ZNF710: variants seen among roughly 807,000 people sequenced by gnomAD.
ZNF710 encodes zinc finger protein 710.
A neutral mutation model predicts 50.6 loss-of-function variants in ZNF710; 13 were observed. The observed-to-expected ratio is 0.26, with a 90% CI of 0.17 to 0.41. ZNF710 has a LOEUF of 0.41. Among genes scored for constraint, ZNF710 ranks in the 10% least tolerant of loss-of-function variants. ZNF710 has a pLI of 1.00. For synonymous variants in ZNF710, 383 were observed against 397.0 expected, an observed-to-expected ratio of 0.96 and a Z score of 0.42; for missense variants, 721 against 936.6, an observed-to-expected ratio of 0.77 and a Z score of 3.01.
chr15:90,007,180 C>T (rs1898160824), intron 1 of ZNF710, among the ~76,000 whole-genome samples: 1 of 151,966 alleles, frequency 6.6e-6, no homozygotes, highest in African/African-American at 2.4e-5. Context: ...GAGGATTTGG[C>T]CTGAAGCAAG....
At chr15:90,031,023 AAAAAG>A (rs1480432091) in intron 1 of ZNF710, among the ~76,000 whole-genome samples, 4 of 150,114 alleles carry the variant, frequency 2.7e-5, no homozygotes, top group Non-Finnish European at 4.4e-5. Flanking sequence ...CGTCTCAAAA[AAAAAG>A]AAAAAAAAAA....
rs1034956357 is a variant in ZNF710 at position 90,063,711 on chromosome 15, T to C, written c.-28-3399T>C. 3.3e-5 allele frequency among the ~76,000 whole-genome samples: 5 copies of C among 152,154 alleles called. No individual in the cohort carries two copies. The East Asian group carries it at 9.6e-4, about 29-fold the overall frequency. On this transcript the variant is annotated intron_variant, in intron 1 of 4. Transcript: ENST00000268154. ...GGACGGTCAGCTCCATGGTTACCCT[T>C]GCTGTAGGGAACCACACTTCAGCTC...
At chr15:90,044,635 T>C (rs1201903373) in intron 1 of ZNF710, among the ~76,000 whole-genome samples, 1 of 152,224 alleles carries the variant, frequency 6.6e-6, no homozygotes. Context: ...TTTTCCTAAA[T>C]TATCCAAACA....
Position 90,034,839 on chromosome 15 carries a change from G to A in ZNF710, c.-28-32271G>A, listed in dbSNP as rs113145222. Among the ~76,000 whole-genome samples the A allele has an allele frequency of 5.7e-3, 862 of 152,204 alleles. 4 individuals carry two copies. The highest frequency in any genetic ancestry group is 0.02 in the African/African-American group (810 of 41,538). ...TGGGGACTTAGACCTCTTCCACATC[G>A]CCCCAAGGTCGGGCTGAAGAGATTT... On this transcript the variant is annotated intron_variant, in intron 1 of 4. Coordinates refer to ENST00000268154, the MANE Select transcript of ZNF710 (RefSeq NM_198526.4). The surrounding 1 kb of genome is among the most constrained non-coding windows in gnomAD (Gnocchi z 4.0).
chr15:90,000,861 G>C (rs535567554), upstream of ZNF710, among the ~76,000 whole-genome samples: 23 of 152,254 alleles, frequency 1.5e-4, no homozygotes, highest in South Asian at 3.3e-3. Flanking sequence ...CTTCCCTTGG[G>C]GGGGGCGGGG....
intron 1 of ZNF710, among the ~76,000 whole-genome samples, chr15:90,051,822 A>G (rs1228423141): frequency 6.6e-6 from 1 of 151,914 alleles, no homozygotes; most frequent in Non-Finnish European, 1.5e-5. Context: ...AACAGGCACA[A>G]CTCCAGGCTG....
At position 90,005,350 on chromosome 15, in the gene ZNF710, G is replaced by A. The variant is rs1898113338; in HGVS notation, c.-29+3736G>A. ...TGCTGTGAGTCATTGCTTCAAACAA[G>A]CTCCAGACAGGTGAGGCAGGAGGGG... is the stretch of plus-strand genomic sequence containing the variant. On this transcript the variant is annotated intron_variant, in intron 1 of 4. Coordinates refer to ENST00000268154, the MANE Select transcript of ZNF710 (RefSeq NM_198526.4). 1.3e-5 allele frequency among the ~76,000 whole-genome samples: 2 copies of A among 152,348 alleles called. 1 individual carries two copies. The highest frequency in any genetic ancestry group is 4.1e-4 in the South Asian group (2 of 4,830).
At chr15:90,010,981 A>AGT (rs1234177371) in intron 1 of ZNF710, among the ~76,000 whole-genome samples, 1 of 126,172 alleles carries the variant, frequency 7.9e-6, no homozygotes, top group Non-Finnish European at 1.6e-5. Flanking sequence ...CTCAGGCTGG[A>AGT]GTGCAATGGT....
upstream of ZNF710, among the ~76,000 whole-genome samples, chr15:90,000,382 GCT>G (rs1051718856): frequency 2.0e-5 from 3 of 152,128 alleles, no homozygotes; most frequent in Non-Finnish European, 4.4e-5. Context: ...GGGCGGCGAG[GCT>G]GTGCCAAACC....
At position 90,068,037 on chromosome 15, in the gene ZNF710, C is replaced by T. The variant is rs1285546774; in HGVS notation, c.900C>T (p.Cys300=). 2.5e-6 allele frequency: 4 copies of T among 1,614,124 alleles called. No individual in the cohort carries two copies. The highest frequency in any genetic ancestry group is 4.5e-5 in the East Asian group (2 of 44,902). ...AGAAGCGCTGGCAGTGCCGCATGTG[C>T]GAGAAGTCCTACACGTCCAAGTACA... The part of the protein sequence containing the change: ...DRQKRWQCRM[C]EKSYTSKYNL... The change falls in exon 2 of 5, where the codon TGC becomes TGT. Residue 300 remains cysteine, a synonymous_variant. Transcript: ENST00000268154. The surrounding 1 kb of genome is among the most constrained non-coding windows in gnomAD (Gnocchi z 5.0).
chr15:90,048,744 A>G (rs528778123), intron 1 of ZNF710, among the ~76,000 whole-genome samples: 2 of 152,328 alleles, frequency 1.3e-5, no homozygotes, highest in African/African-American at 4.8e-5. Flanking sequence ...AAAATTTCAG[A>G]AAAGAGGTAG....
chr15:90,013,254 C>T (rs1343286990), intron 1 of ZNF710, among the ~76,000 whole-genome samples: 1 of 152,146 alleles, frequency 6.6e-6, no homozygotes, highest in Non-Finnish European at 1.5e-5. Context: ...GTGTGTCCAC[C>T]ACCATGCCTG....
intron 3 of ZNF710, 116 bp from the exon 4 acceptor site, chr15:90,073,990 AAAAAAAAAAC>A (rs1441654531): frequency 1.1e-5 from 10 of 872,758 alleles, no homozygotes; most frequent in East Asian, 1.0e-4. Flanking sequence ...AGTCTGTCTC[AAAAAAAAAAC>A]AAAAAAAAAA....
At chr15:90,065,149 T>C (rs1900125445) in intron 1 of ZNF710, among the ~76,000 whole-genome samples, 1 of 152,184 alleles carries the variant, frequency 6.6e-6, no homozygotes, top group Non-Finnish European at 1.5e-5. Context: ...GTTTAATCTT[T>C]GGTGTCCGTT....
Position 90,071,121 on chromosome 15 carries a change from C to T in ZNF710, c.1459-1950C>T, listed in dbSNP as rs12905089. Among the ~76,000 whole-genome samples the T allele has an allele frequency of 4.5e-3, 682 of 151,854 alleles. 1 individual carries two copies. The highest frequency in any genetic ancestry group is 5.5e-3 in the Non-Finnish European group (375 of 67,922). On this transcript the variant is annotated intron_variant, in intron 2 of 4. Coordinates refer to ENST00000268154, the MANE Select transcript of ZNF710 (RefSeq NM_198526.4). ...ACTAAAAATACAAAAATTAGTTGGG[C>T]GTGGTGGTGGGCGCCTGTAGTCCCA...
At chr15:90,057,497 A>AC (rs1249858674) in intron 1 of ZNF710, among the ~76,000 whole-genome samples, 1 of 152,004 alleles carries the variant, frequency 6.6e-6, no homozygotes, top group East Asian at 1.9e-4. Flanking sequence ...GGAGTTTGAG[A>AC]CCAGCCTGGG....
At chr15:90,018,887 T>TTTTG (rs71461838) in intron 1 of ZNF710, among the ~76,000 whole-genome samples, 1 of 151,540 alleles carries the variant, frequency 6.6e-6, no homozygotes, top group Non-Finnish European at 1.5e-5. Context: ...TCTAGTGGTT[T>TTTTG]TTTGTTTGTT....
In ZNF710 at chr15:90,026,255, A is replaced by G. The variant is rs1274732448; in HGVS notation, c.-29+24641A>G. Among the ~76,000 whole-genome samples the G allele has an allele frequency of 5.3e-5, 6 of 112,998 alleles. 1 individual carries two copies. Among genetic ancestry groups the G allele is most frequent in the African/African-American group, 2.3e-4 (5 of 21,636 alleles). The allele number at this position is 112,998 out of a possible 152,430, so 74.1% of individuals were successfully genotyped here. A position where few individuals can be genotyped will look rare whatever the true frequency, so the allele number is the denominator to read the frequency against. On this transcript the variant is annotated intron_variant, in intron 1 of 4. Coordinates refer to ENST00000268154, the MANE Select transcript of ZNF710 (RefSeq NM_198526.4). The stretch of plus-strand genomic sequence containing the variant: ...GGAGAAATGAGAAAAAAAACAAAAC[A>G]ACAACAACAACAACAAAAAAAAAAA...
intron 1 of ZNF710, among the ~76,000 whole-genome samples, chr15:90,002,048 C>T (rs1242673967): frequency 6.6e-6 from 1 of 150,722 alleles, no homozygotes; most frequent in Non-Finnish European, 1.5e-5. Flanking sequence ...GCGCGGGAGG[C>T]CCGGGAGGCG....
Sources: allele counts gnomAD v4.1 joint callset (sites outside exome capture counted in the v4.1 genomes callset), GRCh38; gene constraint gnomAD v4.1.1; non-coding constraint Gnocchi (gnomAD v3.1); transcripts MANE v1.5; gene names NCBI Gene and HGNC (gene_info 2026-07-23, HGNC 2026-07-21).